CCR6: variants seen among roughly 807,000 people sequenced by gnomAD.
CCR6 encodes C-C motif chemokine receptor 6.
A neutral mutation model predicts 3.0 loss-of-function variants in CCR6; 2 were observed. The ratio of observed to expected loss-of-function variants is 0.66; its 90% CI spans 0.27 to 2.07. CCR6 has a LOEUF of 2.07. Among genes scored for constraint, CCR6 ranks in the 30% most tolerant of loss-of-function variants. CCR6 has a pLI of 0.14. For synonymous variants in CCR6, 193 were observed against 184.3 expected (o/e 1.05, Z -0.38); for missense variants, 322 against 462.8 (o/e 0.70, Z 2.79).
chr6:167,112,122 A>G (rs900611201), intron 1 of CCR6: 7 of 152,174 alleles, frequency 4.6e-5, no homozygotes, highest in African/African-American at 1.2e-4. Flanking sequence ...TTATGTTATC[A>G]AGTCATGCAT....
chr6:167,132,751 G>A (rs926491375), intron 1 of CCR6, among the ~76,000 whole-genome samples: 1 of 152,226 alleles, frequency 6.6e-6, no homozygotes, highest in African/African-American at 2.4e-5. Flanking sequence ...ATGTTGGCCA[G>A]GATGGTCTCG....
intron 1 of CCR6, among the ~76,000 whole-genome samples, chr6:167,124,280 C>A (rs865951337): frequency 2.5e-3 from 333 of 131,792 alleles, no homozygotes; most frequent in Middle Eastern, 3.8e-3. Flanking sequence ...AAAAAAAAAA[C>A]CAACCCACAG....
chr6:167,114,626 C>T (rs1371024221), intron 1 of CCR6, among the ~76,000 whole-genome samples: 2 of 152,236 alleles, frequency 1.3e-5, no homozygotes, highest in Non-Finnish European at 2.9e-5. Flanking sequence ...TGCAGAGCCC[C>T]CTGGCCGAGG....
At position 167,136,894 on chromosome 6, in the gene CCR6, G is replaced by C; in HGVS notation, c.664G>C (p.Gly222Arg). Reference sequence around the variant, plus strand: ...GATGTTGGGGCTTGAGCTACTCTTTGGTTTCTTTATCCCTTTGATGTTCAT... The same window carrying C: ...GATGTTGGGGCTTGAGCTACTCTTTCGTTTCTTTATCCCTTTGATGTTCAT... ...LLMLGLELLF[G>R]FFIPLMFMIF... The change falls in exon 3 of 3, where the codon GGT becomes CGT. Residue 222 changes from glycine to arginine, a missense_variant. Gly to Arg is a moderately radical substitution (Grantham distance 125). Coordinates refer to ENST00000341935, the MANE Select transcript of CCR6 (RefSeq NM_031409.4). The surrounding 1 kb of genome is among the most constrained non-coding windows in gnomAD (Gnocchi z 4.6). 1 of 1,614,156 alleles carries C rather than the reference G, an allele frequency of 6.2e-7. No individual in the cohort carries two copies. Among genetic ancestry groups the C allele is most frequent in the Non-Finnish European group, 8.5e-7 (1 of 1,180,026 alleles).
upstream of CCR6, among the ~76,000 whole-genome samples, chr6:167,120,175 C>G (rs1781564418): frequency 6.6e-6 from 1 of 152,040 alleles, no homozygotes; most frequent in Admixed American, 6.6e-5. Context: ...TTGGGGCCTC[C>G]ACTGCAGGTA....
intron 1 of CCR6, among the ~76,000 whole-genome samples, chr6:167,127,449 AC>A (rs1415378147): frequency 6.6e-6 from 1 of 152,068 alleles, no homozygotes; most frequent in African/African-American, 2.4e-5. Context: ...ATCATTTCCC[AC>A]CCCTGTCTGT....
intron 1 of CCR6, among the ~76,000 whole-genome samples, chr6:167,128,694 C>T (rs1439778977): frequency 6.6e-6 from 1 of 152,202 alleles, no homozygotes; most frequent in East Asian, 1.9e-4. Context: ...GCTTCAGCCT[C>T]TTGAGTAGCT....
At chr6:167,131,038 C>T (rs1286426265) in intron 1 of CCR6, among the ~76,000 whole-genome samples, 3 of 147,506 alleles carry the variant, frequency 2.0e-5, no homozygotes, top group Middle Eastern at 3.3e-3. Context: ...CCCTCTGGAC[C>T]CCTTCTCTCT....
At chr6:167,113,852 A>G (rs1781450748) in intron 1 of CCR6, among the ~76,000 whole-genome samples, 5 of 152,250 alleles carry the variant, frequency 3.3e-5, no homozygotes. Context: ...TAGGCAAGAC[A>G]TGCATTCCTC....
At chr6:167,127,326 G>T (rs1444806898) in intron 1 of CCR6, 1 of 152,166 alleles carries the variant, frequency 6.6e-6, no homozygotes, top group Non-Finnish European at 1.5e-5. Context: ...GAAATAGTGA[G>T]TTATTCCAGC....
intron 1 of CCR6, among the ~76,000 whole-genome samples, chr6:167,132,635 G>C (rs1048144609): frequency 1.3e-5 from 2 of 152,108 alleles, no homozygotes; most frequent in African/African-American, 4.8e-5. Flanking sequence ...CCGCCTCCCG[G>C]GTTCAACTGA....
intron 1 of CCR6, 86 bp from the exon 2 acceptor site, chr6:167,135,952 G>A (rs1031546560): frequency 1.2e-5 from 8 of 659,016 alleles, no homozygotes; most frequent in African/African-American, 7.3e-5. Context: ...CTGTTCACAC[G>A]AGATGGAATG....
Position 167,136,086 on chromosome 6 carries a change from A to C in CCR6, c.-49A>C. 6.2e-7 allele frequency: 1 copy of C among 1,608,650 alleles called. No homozygotes were observed. The highest frequency in any genetic ancestry group is 8.5e-7 in the Non-Finnish European group (1 of 1,177,902). ...CGCTGCCTGTGAGCTGAAGGGGCTGAACCATACACTCCTTTTTCTACAACC... is the reference window on the plus strand; with the variant it reads ...CGCTGCCTGTGAGCTGAAGGGGCTGCACCATACACTCCTTTTTCTACAACC... On this transcript the variant is annotated 5_prime_UTR_variant, in exon 2 of 3. Coordinates refer to ENST00000341935, the MANE Select transcript of CCR6 (RefSeq NM_031409.4). The surrounding 1 kb of genome is among the most constrained non-coding windows in gnomAD (Gnocchi z 4.6).
At chr6:167,111,910 C>G (rs1255067637) in exon 1 of CCR6, 1 of 152,214 alleles carries the variant, frequency 6.6e-6, no homozygotes, top group Non-Finnish European at 1.5e-5. Context: ...AGAGGGCCCA[C>G]GTGTATATGC....
At chr6:167,112,707 G>A (rs1781434136) in intron 1 of CCR6, among the ~76,000 whole-genome samples, 1 of 152,138 alleles carries the variant, frequency 6.6e-6, no homozygotes, top group Non-Finnish European at 1.5e-5. Flanking sequence ...GGCATCACAG[G>A]TGAGAAGGAC....
chr6:167,128,764 A>G (rs916776756), intron 1 of CCR6, among the ~76,000 whole-genome samples: 2 of 152,034 alleles, frequency 1.3e-5, no homozygotes, highest in African/African-American at 4.8e-5. Flanking sequence ...GGTAGAGACA[A>G]GGTTTCACCA....
At chr6:167,123,064 A>T (rs1485878584), upstream of CCR6, 1 of 152,800 alleles carries the variant, frequency 6.5e-6, no homozygotes, top group Non-Finnish European at 1.5e-5. Context: ...GGCAATCCAG[A>T]ACTTGCTTTT....
Position 167,137,785 on chromosome 6 carries a change from T to G in CCR6, c.*430T>G, listed in dbSNP as rs1229360774. The G allele has an allele frequency of 6.1e-6, 1 of 163,850 alleles. No individual in the cohort carries two copies. Among genetic ancestry groups the G allele is most frequent in the Non-Finnish European group, 1.4e-5 (1 of 73,990 alleles). The allele number at this position is 163,850 out of a possible 1,614,324, so 10.1% of individuals were successfully genotyped here. ...AAATGGAAGCCAACACATCACTCATTTTAGGCAAATGTTTAAACATTTTTA... is the reference window on the plus strand; with the variant it reads ...AAATGGAAGCCAACACATCACTCATGTTAGGCAAATGTTTAAACATTTTTA... On this transcript the variant is annotated 3_prime_UTR_variant, in exon 3 of 3. Coordinates refer to ENST00000341935, the MANE Select transcript of CCR6 (RefSeq NM_031409.4). The surrounding 1 kb of genome is among the most constrained non-coding windows in gnomAD (Gnocchi z 4.6).
At chr6:167,118,302 C>T (rs1423588256), upstream of CCR6, among the ~76,000 whole-genome samples, 1 of 152,168 alleles carries the variant, frequency 6.6e-6, no homozygotes, top group African/African-American at 2.4e-5. Flanking sequence ...AATCTAAAAT[C>T]CTCGTGTATT....
Sources: allele counts gnomAD v4.1 joint callset (sites outside exome capture counted in the v4.1 genomes callset), GRCh38; gene constraint gnomAD v4.1.1; non-coding constraint Gnocchi (gnomAD v3.1); transcripts MANE v1.5; gene names NCBI Gene and HGNC (gene_info 2026-07-23, HGNC 2026-07-21).